The following NME9 variants were observed in gnomAD, a reference collection of about 807,000 sequenced individuals.
NME9 encodes the protein NME/NM23 family member 9.
Under a neutral mutation model 44.4 loss-of-function variants are expected in NME9, and 48 were observed. The ratio of observed to expected loss-of-function variants is 1.08; its 90% CI spans 0.86 to 1.37. NME9 has a LOEUF of 1.37. Among genes scored for constraint, NME9 ranks in the 40% most tolerant of loss-of-function variants. The pLI, the probability that NME9 is intolerant of heterozygous loss-of-function variation, is 0.00. For synonymous variants in NME9, 139 were observed against 147.1 expected (o/e 0.94, Z 0.40); for missense variants, 325 against 405.2 (o/e 0.80, Z 1.70).
chr3:138,293,116 A>G (rs2051131266), intron 8 of NME9, among the ~76,000 whole-genome samples: 1 of 152,162 alleles, frequency 6.6e-6, no homozygotes, highest in Non-Finnish European at 1.5e-5. Context: ...CTTGGCTGTC[A>G]GGTTGTCTGC....
chr3:138,271,721 C>T (rs561712423), intron 8 of NME9, among the ~76,000 whole-genome samples: 5 of 151,944 alleles, frequency 3.3e-5, no homozygotes, highest in African/African-American at 1.2e-4. Flanking sequence ...AATGTCTTAG[C>T]TCTTTAATTA....
At chr3:138,322,434 G>A (rs1342544703) in intron 2 of NME9, among the ~76,000 whole-genome samples, 1 of 151,538 alleles carries the variant, frequency 6.6e-6, no homozygotes, top group Non-Finnish European at 1.5e-5. Flanking sequence ...CGAGTGAGAG[G>A]AAGCAAAACA....
intron 8 of NME9, chr3:138,290,667 T>C (rs1486704505): frequency 1.3e-6 from 2 of 1,491,976 alleles, no homozygotes; most frequent in Non-Finnish European, 1.8e-6. Context: ...AAGGCCTTGC[T>C]TTGGGCTGTG....
At chr3:138,273,234 C>G (rs1184314563) in intron 8 of NME9, 3 of 1,101,510 alleles carry the variant, frequency 2.7e-6, no homozygotes, top group Non-Finnish European at 3.8e-6. Context: ...AATGCTGCCC[C>G]CTTCCAAAGA....
chr3:138,313,264 G>T (rs924040387), intron 6 of NME9, among the ~76,000 whole-genome samples: 2 of 152,096 alleles, frequency 1.3e-5, no homozygotes, highest in South Asian at 4.1e-4. Context: ...GGTGGCGGGT[G>T]CTTGTAATCC....
Position 138,319,496 on chromosome 3 carries a change from G to A in NME9, c.177C>T (p.Asp59=), listed in dbSNP as rs2053324054. 1 of 1,607,242 alleles carries A rather than the reference G, an allele frequency of 6.2e-7. No homozygotes were observed. Among genetic ancestry groups the A allele is most frequent in the South Asian group, 1.1e-5 (1 of 90,940 alleles). The change falls in exon 3 of 11, where the codon GAC becomes GAT. Residue 59 remains aspartate, a synonymous_variant. Coordinates refer to ENST00000333911, the MANE Select transcript of NME9 (RefSeq NM_001349018.2). The part of the protein sequence containing the change: ...FQKMRIEVGL[D]LLHFALAEAD... ...ATCTTACTAATGCAAAGTGCAGAAG[G>A]TCCAGGCCGACCTCGATCCTCATCT...
intron 2 of NME9, among the ~76,000 whole-genome samples, chr3:138,322,381 T>G (rs1387198162): frequency 6.8e-3 from 66 of 9,738 alleles, no homozygotes; most frequent in African/African-American, 9.0e-3. Flanking sequence ...GGGTGGGGGG[T>G]AGGGGGTGGG....
intron 1 of NME9, among the ~76,000 whole-genome samples, chr3:138,326,405 T>C (rs2053789209): frequency 6.6e-6 from 1 of 152,196 alleles, no homozygotes; most frequent in Non-Finnish European, 1.5e-5. Context: ...ACTATATACA[T>C]TAAAAGACCA....
chr3:138,326,091 G>T (rs1162655165), intron 1 of NME9, among the ~76,000 whole-genome samples: 1 of 152,156 alleles, frequency 6.6e-6, no homozygotes, highest in Non-Finnish European at 1.5e-5. Context: ...TGACACTTTG[G>T]AAAACTACAT....
chr3:138,324,818 C>T (rs377639124), intron 2 of NME9, 55 bp downstream of exon 2: 63 of 1,360,846 alleles, frequency 4.6e-5, no homozygotes, highest in Non-Finnish European at 5.9e-5. Flanking sequence ...GTTCATCACA[C>T]CATTTAATAA....
intron 8 of NME9, among the ~76,000 whole-genome samples, chr3:138,278,738 G>A (rs970417598): frequency 6.6e-6 from 1 of 152,074 alleles, no homozygotes; most frequent in Non-Finnish European, 1.5e-5. Flanking sequence ...TCTTATAGCA[G>A]TGTTTTGTAG....
intron 8 of NME9, chr3:138,295,879 A>G: frequency 6.2e-7 from 1 of 1,613,756 alleles, no homozygotes; most frequent in Non-Finnish European, 8.5e-7. Flanking sequence ...GCACTGCAGC[A>G]GTACCTGGCA....
rs552372090 is a variant in NME9, at chr3:138,319,473, C to A, written c.195+5G>T. The stretch of plus-strand genomic sequence containing the variant: ...GTATGACTGTTGGCTGAGAGAGAAT[C>A]TTACTAATGCAAAGTGCAGAAGGTC... On this transcript the variant is annotated splice_donor_5th_base_variant and intron_variant, in intron 3 of 10. Transcript: ENST00000333911. 1.2e-5 allele frequency: 18 copies of A among 1,514,538 alleles called. 1 individual carries two copies. In the South Asian group the frequency reaches 2.0e-4, roughly 17 times the overall value. The allele number at this position is 1,514,538 out of a possible 1,614,324, so 93.8% of individuals were successfully genotyped here.
intron 1 of NME9, 130 bp from the exon 2 acceptor site, chr3:138,325,060 C>T: frequency 1.4e-6 from 1 of 715,172 alleles, no homozygotes; most frequent in Non-Finnish European, 2.4e-6. Context: ...TATCCTCTCC[C>T]CCATCTTCTT....
intron 8 of NME9, among the ~76,000 whole-genome samples, chr3:138,273,629 G>C (rs916437827): frequency 6.6e-6 from 1 of 152,144 alleles, no homozygotes; most frequent in Non-Finnish European, 1.5e-5. Context: ...ACCTCTCAAT[G>C]TTCTCTAATG....
At chr3:138,267,391 T>C in intron 8 of NME9, 2 of 485,000 alleles carry the variant, frequency 4.1e-6, no homozygotes, top group Non-Finnish European at 7.3e-6. Context: ...GGTGTGCAAA[T>C]AAATCATTCA....
chr3:138,314,604 C>T (rs1400033533), intron 5 of NME9, among the ~76,000 whole-genome samples, 197 bp from the exon 6 acceptor site: 1 of 152,112 alleles, frequency 6.6e-6, no homozygotes. Flanking sequence ...AATTAGAATA[C>T]AAGAAAATCC....
At chr3:138,271,612 A>G (rs1189295206) in intron 8 of NME9, among the ~76,000 whole-genome samples, 4 of 152,176 alleles carry the variant, frequency 2.6e-5, no homozygotes, top group South Asian at 4.1e-4. Flanking sequence ...TCTGCAAAAT[A>G]TAAAACCTTA....
Position 138,329,777 on chromosome 3 carries a change from C to G in NME9, c.-442G>C, listed in dbSNP as rs541761738. The G allele has an allele frequency of 1.0e-6, 1 of 994,276 alleles. No individual in the cohort carries two copies. Among genetic ancestry groups the G allele is most frequent in the Non-Finnish European group, 1.2e-6 (1 of 835,700 alleles). 61.6% of individuals were successfully genotyped at this position (994,276 alleles called of 1,614,324 possible). ...TACTGGGAAAGTGAGCCACTGCGAA[C>G]GACAGGTACAAGATCTTCGACGCGC... On this transcript the variant is annotated 5_prime_UTR_variant, in exon 1 of 11. Transcript: ENST00000333911.
Sources: gnomAD v4.1 joint callset for allele counts (sites outside exome capture counted in the v4.1 genomes callset) on GRCh38, gnomAD v4.1.1 for gene constraint, MANE v1.5 for transcripts, NCBI Gene and HGNC (gene_info 2026-07-23, HGNC 2026-07-21) for gene names.